Variants in FSIP1 observed in about 807,000 individuals in gnomAD.
FSIP1 encodes the protein fibrous sheath-interacting protein 1.
A neutral mutation model predicts 60.9 loss-of-function variants in FSIP1; 65 were observed. The ratio of observed to expected loss-of-function variants is 1.07; its 90% CI spans 0.87 to 1.31. FSIP1 has a LOEUF of 1.31. Ranked by LOEUF, FSIP1 falls within the 40% of genes most tolerant of loss-of-function variation. FSIP1 has a pLI of 0.00. For missense variants in FSIP1, 675 were observed against 665.5 expected, an observed-to-expected ratio of 1.01 and a Z score of -0.16; for synonymous variants, 209 against 221.2, an observed-to-expected ratio of 0.94 and a Z score of 0.49.
chr15:39,690,488 C>T (rs1402945632), intron 10 of FSIP1, among the ~76,000 whole-genome samples: 1 of 152,096 alleles, frequency 6.6e-6, no homozygotes, highest in Non-Finnish European at 1.5e-5. Context: ...TTTGAGACCC[C>T]ATTAGTCTAT....
intron 10 of FSIP1, among the ~76,000 whole-genome samples, chr15:39,622,791 C>T (rs1026909993): frequency 6.6e-5 from 10 of 152,182 alleles, no homozygotes; most frequent in Non-Finnish European, 1.3e-4. Flanking sequence ...GGCTACACTG[C>T]CACTCGCTGT....
chr15:39,734,539 T>C (rs1386488077), intron 8 of FSIP1, among the ~76,000 whole-genome samples: 1 of 152,152 alleles, frequency 6.6e-6, no homozygotes, highest in East Asian at 1.9e-4. Flanking sequence ...GAAATGAAAG[T>C]ACACCAAAGA....
chr15:39,695,613 A>G (rs746736512), intron 10 of FSIP1, among the ~76,000 whole-genome samples: 2 of 152,160 alleles, frequency 1.3e-5, no homozygotes, highest in Non-Finnish European at 2.9e-5. Context: ...GACTTCCCAC[A>G]CTATGCAAAT....
intron 8 of FSIP1, among the ~76,000 whole-genome samples, chr15:39,736,860 T>C (rs1896627704): frequency 6.6e-6 from 1 of 152,086 alleles, no homozygotes; most frequent in Non-Finnish European, 1.5e-5. Context: ...GGGGAAGCTA[T>C]GGAGGACACA....
chr15:39,748,676 G>A (rs1003394038), intron 5 of FSIP1, among the ~76,000 whole-genome samples: 2 of 152,112 alleles, frequency 1.3e-5, no homozygotes, highest in Non-Finnish European at 2.9e-5. Context: ...ACAGTTCTAA[G>A]AGGGAAGTTT....
intron 2 of FSIP1, among the ~76,000 whole-genome samples, chr15:39,772,960 ACCTCATGAAAC>A (rs1055523087): frequency 1.3e-5 from 2 of 152,022 alleles, no homozygotes. Context: ...AAACGCAAAT[ACCTCATGAAAC>A]CCCTTACTAG....
At chr15:39,665,870 C>T (rs1893476459) in intron 10 of FSIP1, among the ~76,000 whole-genome samples, 1 of 152,106 alleles carries the variant, frequency 6.6e-6, no homozygotes, top group African/African-American at 2.4e-5. Flanking sequence ...ACAAGAGCTG[C>T]TTTTCTCTGT....
chr15:39,647,353 T>C (rs942257639), intron 10 of FSIP1, among the ~76,000 whole-genome samples: 5 of 152,214 alleles, frequency 3.3e-5, no homozygotes, highest in Non-Finnish European at 1.5e-5. Context: ...CAAAACATCA[T>C]GTTGTATACT....
intron 10 of FSIP1, among the ~76,000 whole-genome samples, chr15:39,708,165 A>T (rs753562668): frequency 6.6e-6 from 1 of 152,252 alleles, no homozygotes; most frequent in Middle Eastern, 3.4e-3. Context: ...AAGCCACTAC[A>T]CCTAATACCA....
intron 9 of FSIP1, among the ~76,000 whole-genome samples, chr15:39,726,003 G>A (rs1315991509): frequency 2.0e-5 from 3 of 152,098 alleles, no homozygotes; most frequent in African/African-American, 7.2e-5. Context: ...TGTTGGCCAG[G>A]CTGGTCTTGA....
chr15:39,752,254 T>C (rs1264143470), intron 5 of FSIP1, among the ~76,000 whole-genome samples: 1 of 152,044 alleles, frequency 6.6e-6, no homozygotes, highest in Non-Finnish European at 1.5e-5. Flanking sequence ...TTAGTCCATC[T>C]TGAGTTGATT....
chr15:39,760,116 G>A (rs1421230604), intron 5 of FSIP1, among the ~76,000 whole-genome samples: 1 of 152,040 alleles, frequency 6.6e-6, no homozygotes, highest in Non-Finnish European at 1.5e-5. Flanking sequence ...TTCAATAGAA[G>A]GGTATTAGTT....
intron 9 of FSIP1, among the ~76,000 whole-genome samples, 183 bp downstream of exon 9, chr15:39,726,406 G>A (rs72727071): frequency 0.014 from 2,107 of 151,998 alleles, 25 homozygotes; most frequent in Non-Finnish European, 0.022. Flanking sequence ...CTCAGTGACC[G>A]CATCCCAGAA....
intron 9 of FSIP1, among the ~76,000 whole-genome samples, chr15:39,724,135 C>CA (rs1175556400): frequency 4.6e-4 from 70 of 151,904 alleles, no homozygotes; most frequent in Non-Finnish European, 8.5e-4. Context: ...CAGTATGTAA[C>CA]AAAAATGTAA....
chr15:39,684,731 C>T (rs1184925437), intron 10 of FSIP1, among the ~76,000 whole-genome samples: 1 of 152,170 alleles, frequency 6.6e-6, no homozygotes, highest in Non-Finnish European at 1.5e-5. Context: ...AAACTGTCCT[C>T]CTGTGTGTGG....
chr15:39,763,780 T>C, intron 5 of FSIP1, 41 bp downstream of exon 5: 2 of 994,930 alleles, frequency 2.0e-6, no homozygotes, highest in East Asian at 4.8e-5. Context: ...ATTCCATGAC[T>C]CAGATAAAAA....
chr15:39,706,608 T>C (rs1410791112), intron 10 of FSIP1, among the ~76,000 whole-genome samples: 1 of 152,196 alleles, frequency 6.6e-6, no homozygotes, highest in Non-Finnish European at 1.5e-5. Context: ...ACACAACATA[T>C]GTATATTACA....
At chr15:39,698,652 G>A (rs1310911294) in intron 10 of FSIP1, among the ~76,000 whole-genome samples, 1 of 152,148 alleles carries the variant, frequency 6.6e-6, no homozygotes, top group Non-Finnish European at 1.5e-5. Flanking sequence ...ACATACACTT[G>A]AGCAGTGGAG....
intron 8 of FSIP1, among the ~76,000 whole-genome samples, chr15:39,731,779 C>T (rs965295938): frequency 6.6e-6 from 1 of 152,140 alleles, no homozygotes; most frequent in African/African-American, 2.4e-5. Flanking sequence ...AAGGGTCCAC[C>T]ACCAGACTCC....
Sources: gnomAD v4.1 joint callset for allele counts (sites outside exome capture counted in the v4.1 genomes callset) on GRCh38, gnomAD v4.1.1 for gene constraint, MANE v1.5 for transcripts, NCBI Gene and HGNC (gene_info 2026-07-23, HGNC 2026-07-21) for gene names.